KIAA1671: variants seen among roughly 807,000 people sequenced by gnomAD.
The protein encoded by KIAA1671 is KIAA1671.
Under a neutral mutation model 131.2 loss-of-function variants are expected in KIAA1671, and 52 were observed. That is an observed-to-expected ratio of 0.40 (90% CI 0.32 to 0.50). KIAA1671 has a LOEUF of 0.50. KIAA1671 is among the 20% of genes least tolerant of loss of function. The pLI, the probability that KIAA1671 is intolerant of heterozygous loss-of-function variation, is 0.73. For missense variants in KIAA1671, 2,360 were observed against 2,364.2 expected, an observed-to-expected ratio of 1.00 and a Z score of 0.04; for synonymous variants, 1,003 against 961.6, an observed-to-expected ratio of 1.04 and a Z score of -0.80.
intron 6 of KIAA1671, among the ~76,000 whole-genome samples, chr22:25,094,171 C>T (rs540053309): frequency 6.6e-6 from 1 of 152,132 alleles, no homozygotes; most frequent in Admixed American, 6.5e-5. Flanking sequence ...AGGGCATTTT[C>T]TGTTGCCTTC....
chr22:24,987,168 A>AT (rs1452548410), intron 1 of KIAA1671, among the ~76,000 whole-genome samples: 6 of 149,004 alleles, frequency 4.0e-5, no homozygotes, highest in Non-Finnish European at 6.0e-5. Context: ...TATTATTATT[A>AT]TTATTTTTTT....
intron 6 of KIAA1671, among the ~76,000 whole-genome samples, chr22:25,079,210 A>G (rs533015868): frequency 6.7e-6 from 1 of 149,900 alleles, no homozygotes; most frequent in East Asian, 2.0e-4. Context: ...CAAGACAGCC[A>G]TGTTTCCTGC....
intron 11 of KIAA1671, chr22:25,185,967 T>TAG (rs1934462670): frequency 6.6e-6 from 1 of 152,198 alleles, no homozygotes; most frequent in African/African-American, 2.4e-5. Flanking sequence ...TTCCTGATGC[T>TAG]AGAGTTGTAA....
chr22:24,973,233 G>A (rs578054294), intron 1 of KIAA1671, among the ~76,000 whole-genome samples: 9 of 152,110 alleles, frequency 5.9e-5, no homozygotes, highest in Non-Finnish European at 1.3e-4. Flanking sequence ...ATGGACTTGT[G>A]CTCAGGGGCA....
chr22:25,073,868 A>G (rs1426453155), intron 6 of KIAA1671, among the ~76,000 whole-genome samples: 2 of 152,032 alleles, frequency 1.3e-5, no homozygotes, highest in East Asian at 1.9e-4. Context: ...TAATTTTTGT[A>G]TTTTTAATAG....
rs1393294274 is a variant in KIAA1671 at position 25,044,441 on chromosome 22, G to A, written c.4395+2916G>A. ...AGGGCCCGCTGGTGGTGGGGGAGTC[G>A]GGATGTTGTGGAGGGGGGATCCTGG... On this transcript the variant is annotated intron_variant, in intron 5 of 12. Coordinates refer to ENST00000358431, the MANE Select transcript of KIAA1671 (RefSeq NM_001145206.2). 4.6e-5 allele frequency among the ~76,000 whole-genome samples: 7 copies of A among 151,978 alleles called. No individual in the cohort carries two copies. The South Asian group carries it at 1.0e-3, about 23-fold the overall frequency.
chr22:24,968,451 C>T (rs570665041), intron 1 of KIAA1671, among the ~76,000 whole-genome samples: 9 of 152,292 alleles, frequency 5.9e-5, no homozygotes, highest in African/African-American at 2.2e-4. Flanking sequence ...GGGTCCGGAG[C>T]CATGCAGCCC....
chr22:25,050,190 C>G (rs930579844), intron 6 of KIAA1671: 3 of 152,340 alleles, frequency 2.0e-5, no homozygotes, highest in Non-Finnish European at 2.9e-5. Context: ...CATCCTGTTT[C>G]CTTACTTGTG....
In KIAA1671 at chr22:24,996,353, AC is replaced by A. The variant is rs984622506; in HGVS notation, c.-207-29279del. Among the ~76,000 whole-genome samples the A allele has an allele frequency of 3.9e-5, 6 of 152,268 alleles. No homozygotes were observed. The South Asian group carries it at 6.2e-4, about 16-fold the overall frequency. On this transcript the variant is annotated intron_variant, in intron 1 of 12. Transcript: ENST00000358431. ...GGGAACCAGCGAGGAGACCCTCCCC[AC>A]ATGTGCACTCACACGAGCCTTATGG...
At chr22:25,174,647 A>G (rs560931135) in intron 8 of KIAA1671, 158 bp downstream of exon 8, 6 of 779,990 alleles carry the variant, frequency 7.7e-6, no homozygotes, top group African/African-American at 7.0e-5. Context: ...TGTATCTTGG[A>G]CCTGCCATAC....
chr22:25,151,282 G>T (rs1933029323), intron 6 of KIAA1671, among the ~76,000 whole-genome samples: 1 of 149,952 alleles, frequency 6.7e-6, no homozygotes, highest in African/African-American at 2.4e-5. Context: ...AGAATTTTTT[G>T]CATTTATATA....
chr22:25,091,260 G>A (rs148068417), intron 6 of KIAA1671, among the ~76,000 whole-genome samples: 2,943 of 152,236 alleles, frequency 0.019, 105 homozygotes, highest in African/African-American at 0.067. Context: ...GTTTCACCAT[G>A]TTGGCCAGGC....
chr22:25,045,407 T>TGC (rs1927169166), intron 5 of KIAA1671, among the ~76,000 whole-genome samples: 1 of 152,096 alleles, frequency 6.6e-6, no homozygotes, highest in Non-Finnish European at 1.5e-5. Context: ...CTGCCCAACA[T>TGC]CCTACAAGGC....
chr22:25,093,731 A>ACTCTCTCTCT (rs1930155187), intron 6 of KIAA1671, among the ~76,000 whole-genome samples: 1 of 43,566 alleles, frequency 2.3e-5, no homozygotes, highest in African/African-American at 2.0e-4. Flanking sequence ...ACACACACAC[A>ACTCTCTCTCT]CACACACTCT....
Position 25,041,212 on chromosome 22 carries a change from G to A in KIAA1671, c.4082G>A (p.Arg1361Lys). 1 of 1,551,780 alleles carries A rather than the reference G, an allele frequency of 6.4e-7. No homozygotes were observed. Among genetic ancestry groups the A allele is most frequent in the South Asian group, 1.2e-5 (1 of 84,064 alleles). Reference protein sequence around the residue: ...SGREDPGSGVRVSPKSPPTDQ... With the variant: ...SGREDPGSGVKVSPKSPPTDQ... ...CGGGAGGATCCAGGCAGTGGGGTCA[G>A]GGTGTCACCCAAATCGCCCCCCACT... Residue 1361 changes from arginine (R) to lysine (K), a missense_variant, in exon 5 of 13, where the codon AGG (arginine) becomes AAG (lysine). Physicochemically the swap from Arg to Lys is conservative, Grantham distance 26. This residue lies in a region of KIAA1671 where 1,161 missense variants were observed against 1,204.7 expected (regional missense o/e 0.96). Coordinates refer to ENST00000358431, the MANE Select transcript of KIAA1671 (RefSeq NM_001145206.2).
intron 5 of KIAA1671, among the ~76,000 whole-genome samples, chr22:25,048,100 A>C (rs2032000213): frequency 6.6e-6 from 1 of 152,202 alleles, no homozygotes; most frequent in East Asian, 1.9e-4. Context: ...GGCAACCCGA[A>C]GGTCTTGGCC....
chr22:25,098,555 A>G (rs144219567), intron 6 of KIAA1671, among the ~76,000 whole-genome samples: 40 of 150,598 alleles, frequency 2.7e-4, no homozygotes, highest in Admixed American at 7.3e-4. Context: ...TAGAGCTGTG[A>G]CTCAGAAGCA....
chr22:25,187,623 C>T (rs1934522976), intron 11 of KIAA1671, among the ~76,000 whole-genome samples: 1 of 152,164 alleles, frequency 6.6e-6, no homozygotes, highest in South Asian at 2.1e-4. Context: ...ATCCTCCCAC[C>T]TCAGCCTCCA....
At chr22:25,004,892 G>A (rs1924663469) in intron 1 of KIAA1671, among the ~76,000 whole-genome samples, 1 of 151,760 alleles carries the variant, frequency 6.6e-6, no homozygotes, top group Non-Finnish European at 1.5e-5. Context: ...CTTGCAGTGA[G>A]CTGAGATGGC....
Sources: allele counts gnomAD v4.1 joint callset (sites outside exome capture counted in the v4.1 genomes callset), GRCh38; gene constraint gnomAD v4.1.1; regional missense constraint gnomAD v4.1.1; transcripts MANE v1.5; gene names NCBI Gene and HGNC (gene_info 2026-07-23, HGNC 2026-07-21).